RAB5C: variants seen among roughly 807,000 people sequenced by gnomAD.
RAB5C encodes ras-related protein Rab-5C.
Under a neutral mutation model 25.2 loss-of-function variants are expected in RAB5C, and 4 were observed. That is an observed-to-expected ratio of 0.16 (90% CI 0.08 to 0.36). RAB5C has a LOEUF of 0.36. RAB5C is among the 10% of genes least tolerant of loss of function. The pLI is 1.00. For missense variants in RAB5C, 199 were observed against 283.8 expected (o/e 0.70, Z 2.15); for synonymous variants, 100 against 106.4 (o/e 0.94, Z 0.37).
intron 1 of RAB5C, among the ~76,000 whole-genome samples, chr17:42,144,394 T>G (rs1189515537): frequency 6.6e-6 from 1 of 151,564 alleles, no homozygotes; most frequent in Non-Finnish European, 1.5e-5. Flanking sequence ...GAGGTGGAGG[T>G]TGCAGTGAGC....
intron 1 of RAB5C, among the ~76,000 whole-genome samples, chr17:42,132,111 C>G (rs1182606048): frequency 1.3e-5 from 2 of 152,188 alleles, no homozygotes; most frequent in Non-Finnish European, 2.9e-5. Context: ...CTGTGGGAAG[C>G]AAATGGTCCA....
intron 5 of RAB5C, 119 bp downstream of exon 5, chr17:42,126,631 CAAAAA>C (rs71357528): frequency 2.7e-3 from 224 of 84,410 alleles, no homozygotes; most frequent in Middle Eastern, 5.1e-3. Flanking sequence ...GACTCCATCT[CAAAAA>C]AAAAAAAAAA....
intron 4 of RAB5C, 69 bp downstream of exon 4, chr17:42,128,192 G>T: frequency 6.4e-7 from 1 of 1,550,944 alleles, no homozygotes; most frequent in South Asian, 1.2e-5. Flanking sequence ...CAAAGCCCCT[G>T]AGCATCCCAG....
At chr17:42,146,259 T>C (rs2079634393) in intron 1 of RAB5C, among the ~76,000 whole-genome samples, 1 of 152,018 alleles carries the variant, frequency 6.6e-6, no homozygotes, top group African/African-American at 2.4e-5. Context: ...GGACATCAGG[T>C]AAAAATCTAA....
chr17:42,130,599 G>C lies in RAB5C; in HGVS notation c.-88-9C>G. ...GGGAGGGGGACCTCCAACTGTAAGG[G>C]AGAAATGAGAAGTACTGAGTTAGTT... On this transcript the variant is annotated splice_polypyrimidine_tract_variant and intron_variant, in intron 1 of 5. Transcript: ENST00000346213. 6.4e-7 allele frequency: 1 copy of C among 1,555,930 alleles called. No homozygotes were observed. Among genetic ancestry groups the C allele is most frequent in the South Asian group, 1.1e-5 (1 of 86,996 alleles).
At chr17:42,145,317 G>C (rs2079629264) in intron 1 of RAB5C, among the ~76,000 whole-genome samples, 1 of 152,172 alleles carries the variant, frequency 6.6e-6, no homozygotes, top group South Asian at 2.1e-4. Context: ...GCATGGAAAG[G>C]GGAAGGGGAG....
At chr17:42,147,356 A>G (rs1359533106) in intron 1 of RAB5C, among the ~76,000 whole-genome samples, 2 of 152,190 alleles carry the variant, frequency 1.3e-5, no homozygotes, top group East Asian at 3.8e-4. Context: ...TTGTGCAGAC[A>G]TACAGAACAG....
rs2054414000 is a variant in RAB5C, at chr17:42,125,715, G to T, written c.*68C>A. ...GTGGCCCGAGTCGTTAAGTGCGATT[G>T]GTTAGAGTGGATTCCAGTCGGGTCA... On this transcript the variant is annotated 3_prime_UTR_variant, in exon 6 of 6. Coordinates refer to ENST00000346213, the MANE Select transcript of RAB5C (RefSeq NM_004583.4). 1.7e-6 allele frequency: 2 copies of T among 1,157,382 alleles called. No homozygotes were observed. Among genetic ancestry groups the T allele is most frequent in the Non-Finnish European group, 2.5e-6 (2 of 800,572 alleles). The allele number at this position is 1,157,382 out of a possible 1,614,324, so 71.7% of individuals were successfully genotyped here.
chr17:42,150,966 G>A (rs1388981401), intron 1 of RAB5C, among the ~76,000 whole-genome samples: 1 of 152,136 alleles, frequency 6.6e-6, no homozygotes, highest in Non-Finnish European at 1.5e-5. Context: ...ATTCTGCAAG[G>A]TATTTAGCAT....
intron 1 of RAB5C, 80 bp downstream of exon 1, chr17:42,154,812 TG>T (rs1264110198): frequency 6.6e-6 from 1 of 152,176 alleles, no homozygotes; most frequent in Non-Finnish European, 1.5e-5. Context: ...CCCCCTAAAC[TG>T]GGGCTGGGCG....
intron 4 of RAB5C, among the ~76,000 whole-genome samples, chr17:42,127,827 GT>G (rs34288959): frequency 3.8e-3 from 462 of 121,120 alleles, no homozygotes; most frequent in African/African-American, 4.7e-3. Context: ...ACACCTGGCT[GT>G]TTTTTTTTTT....
At position 42,125,784 on chromosome 17, in the gene RAB5C, C is replaced by T. The variant is rs1555668628; in HGVS notation, c.650G>A (p.Ter217=). Reference sequence around the variant, plus strand: ...GGGCAGCGGGCAGGCAAGGGGGGCTCAGTTGCTGCAGCACTGGCTCCGGCT... The same window carrying T: ...GGGCAGCGGGCAGGCAAGGGGGGCTTAGTTGCTGCAGCACTGGCTCCGGCT... ...PASRSQCCSN[*] Residue 217 remains the stop codon, a stop_retained_variant, in exon 6 of 6, where the codon TGA becomes TAA. Coordinates refer to ENST00000346213, the MANE Select transcript of RAB5C (RefSeq NM_004583.4). 1 of 1,598,724 alleles carries T rather than the reference C, an allele frequency of 6.3e-7. No individual in the cohort carries two copies. Among genetic ancestry groups the T allele is most frequent in the East Asian group, 2.2e-5 (1 of 44,462 alleles).
chr17:42,147,085 AAAG>A (rs1351680766), intron 1 of RAB5C, among the ~76,000 whole-genome samples: 4 of 151,454 alleles, frequency 2.6e-5, no homozygotes, highest in Non-Finnish European at 5.9e-5. Flanking sequence ...AGAAAGAAAG[AAAG>A]AAAGAAAGAA....
intron 1 of RAB5C, chr17:42,131,526 AACACACACAGAAACAC>A (rs1285642342): frequency 5.9e-5 from 81 of 1,367,016 alleles, no homozygotes; most frequent in Non-Finnish European, 7.3e-5. Context: ...CACCGAAACA[AACACACACAGAAACAC>A]ACACCAAAGT....
At chr17:42,135,065 C>G (rs2054522854) in intron 1 of RAB5C, among the ~76,000 whole-genome samples, 1 of 151,312 alleles carries the variant, frequency 6.6e-6, no homozygotes, top group African/African-American at 2.4e-5. Flanking sequence ...ACTGCAACCT[C>G]TGCCACCCAG....
intron 1 of RAB5C, among the ~76,000 whole-genome samples, chr17:42,147,165 A>G (rs1266770237): frequency 6.6e-6 from 1 of 152,080 alleles, no homozygotes; most frequent in East Asian, 1.9e-4. Flanking sequence ...AGAGAGAGAG[A>G]GAGAGAAAGA....
intron 1 of RAB5C, among the ~76,000 whole-genome samples, chr17:42,147,867 C>A (rs11656559): frequency 6.6e-6 from 1 of 152,024 alleles, no homozygotes; most frequent in Admixed American, 6.6e-5. Context: ...GAGGCCGAGG[C>A]GGGTGGATCA....
intron 1 of RAB5C, 32 bp from the exon 2 acceptor site, chr17:42,130,622 G>C: frequency 6.6e-7 from 1 of 1,507,612 alleles, no homozygotes; most frequent in Non-Finnish European, 8.9e-7. Context: ...TACTGAGTTA[G>C]TTCAGAGGCC....
intron 1 of RAB5C, among the ~76,000 whole-genome samples, chr17:42,153,979 G>A (rs1016513042): frequency 2.6e-5 from 4 of 152,194 alleles, no homozygotes; most frequent in Non-Finnish European, 5.9e-5. Context: ...GTGTGTTTGG[G>A]AGTGGGAAAG....
Sources: allele counts gnomAD v4.1 joint callset (sites outside exome capture counted in the v4.1 genomes callset), GRCh38; gene constraint gnomAD v4.1.1; transcripts MANE v1.5; gene names NCBI Gene and HGNC (gene_info 2026-07-23, HGNC 2026-07-21).